Variants in POU2F1 observed in about 807,000 individuals in gnomAD.
POU2F1 encodes the protein POU class 2 homeobox 1.
Under a neutral mutation model 84.9 loss-of-function variants are expected in POU2F1, and 16 were observed. The ratio of observed to expected loss-of-function variants is 0.19; its 90% CI spans 0.13 to 0.29. The LOEUF (loss-of-function observed/expected upper bound fraction) is 0.29, where lower values mean the gene tolerates loss of function less well. POU2F1 is among the 10% of genes least tolerant of loss of function. The pLI, the probability that POU2F1 is intolerant of heterozygous loss-of-function variation, is 1.00. For missense variants in POU2F1, 738 were observed against 942.6 expected (o/e 0.78, Z 2.84); for synonymous variants, 368 against 368.3 (o/e 1.00, Z 0.01).
intron 1 of POU2F1, among the ~76,000 whole-genome samples, chr1:167,232,716 G>A (rs1476339366): frequency 2.6e-5 from 4 of 152,034 alleles, no homozygotes; most frequent in African/African-American, 9.6e-5. Flanking sequence ...GGTGGCACAC[G>A]CCCATAATCC....
intron 1 of POU2F1, among the ~76,000 whole-genome samples, chr1:167,282,448 A>C (rs266823): frequency 0.11 from 16,296 of 152,226 alleles, 2,168 homozygotes; most frequent in African/African-American, 0.32. Flanking sequence ...CTGGCCAAAA[A>C]TTTTTAAATT....
chr1:167,306,610 C>G (rs35617840), intron 1 of POU2F1, among the ~76,000 whole-genome samples: 13,347 of 152,070 alleles, frequency 0.088, 1,443 homozygotes, highest in African/African-American at 0.26. Context: ...TGCCGTAACA[C>G]GGTACTACAA....
At chr1:167,311,793 T>TTTATTTAC (rs1209455545) in intron 1 of POU2F1, among the ~76,000 whole-genome samples, 1 of 151,054 alleles carries the variant, frequency 6.6e-6, no homozygotes, top group East Asian at 1.9e-4. Flanking sequence ...TATTTATTTA[T>TTTATTTAC]TTATTTATTT....
intron 13 of POU2F1, among the ~76,000 whole-genome samples, chr1:167,403,500 A>G (rs1649348665): frequency 6.6e-6 from 1 of 152,180 alleles, no homozygotes; most frequent in Non-Finnish European, 1.5e-5. Flanking sequence ...GCTCAAAACC[A>G]TGCCCCTTTT....
At chr1:167,366,694 C>T (rs1659702665) in intron 3 of POU2F1, among the ~76,000 whole-genome samples, 1 of 151,746 alleles carries the variant, frequency 6.6e-6, no homozygotes, top group African/African-American at 2.4e-5. Context: ...CATTAACTTC[C>T]AGATAAAATA....
intron 1 of POU2F1, among the ~76,000 whole-genome samples, chr1:167,321,868 A>G (rs1180944494): frequency 6.6e-6 from 1 of 152,144 alleles, no homozygotes; most frequent in Non-Finnish European, 1.5e-5. Flanking sequence ...ATTGTTCTGG[A>G]ATTAGAACTT....
At chr1:167,350,692 A>C (rs1031302917) in intron 2 of POU2F1, among the ~76,000 whole-genome samples, 1 of 149,586 alleles carries the variant, frequency 6.7e-6, no homozygotes, top group Non-Finnish European at 1.5e-5. Context: ...AAAAAAAAAG[A>C]AAAGAAAATG....
At chr1:167,293,695 G>A (rs1019958251) in intron 1 of POU2F1, among the ~76,000 whole-genome samples, 1 of 152,054 alleles carries the variant, frequency 6.6e-6, no homozygotes, top group Non-Finnish European at 1.5e-5. Flanking sequence ...ACCCACTACG[G>A]GATTTCCAGT....
intron 2 of POU2F1, among the ~76,000 whole-genome samples, chr1:167,333,228 G>T (rs1274167636): frequency 6.6e-6 from 1 of 152,108 alleles, no homozygotes; most frequent in African/African-American, 2.4e-5. Flanking sequence ...GTAAAGGATG[G>T]TTTGTCTCCA....
At chr1:167,412,598 A>T (rs1393161143) in intron 14 of POU2F1, among the ~76,000 whole-genome samples, 1 of 151,926 alleles carries the variant, frequency 6.6e-6, no homozygotes, top group Non-Finnish European at 1.5e-5. Context: ...AGAATTCTTG[A>T]CTCTTATTTT....
At chr1:167,330,137 T>C (rs1289728731) in intron 1 of POU2F1, among the ~76,000 whole-genome samples, 1 of 152,176 alleles carries the variant, frequency 6.6e-6, no homozygotes, top group African/African-American at 2.4e-5. Context: ...ATTGAGACTT[T>C]TTTAGTTACT....
At position 167,229,824 on chromosome 1, in the gene POU2F1, C is replaced by A. The variant is rs78782205; in HGVS notation, c.61+8866C>A. ...GCCAGCATCTTAGGAGGAATGGACA[C>A]TCCTAATACTCTTCTGAAAACTTTA... is the stretch of plus-strand genomic sequence containing the variant. On this transcript the variant is annotated intron_variant, in intron 1 of 15. Coordinates refer to ENST00000367866, the MANE Select transcript of POU2F1 (RefSeq NM_002697.4). Among the ~76,000 whole-genome samples the A allele has an allele frequency of 1.2e-3, 181 of 152,262 alleles. No homozygotes were observed. The East Asian group carries it at 0.032, about 27-fold the overall frequency.
At chr1:167,364,981 C>T (rs972855118) in intron 2 of POU2F1, among the ~76,000 whole-genome samples, 4 of 152,198 alleles carry the variant, frequency 2.6e-5, no homozygotes, top group African/African-American at 9.7e-5. Context: ...TTTCTTTATG[C>T]TTATCATGGA....
intron 9 of POU2F1, among the ~76,000 whole-genome samples, chr1:167,395,496 A>G (rs1278490212): frequency 2.6e-5 from 4 of 152,184 alleles, no homozygotes; most frequent in Admixed American, 1.3e-4. Context: ...TAATTTTTAA[A>G]GTGATTTTTG....
At position 167,417,614 on chromosome 1, in the gene POU2F1, A is replaced by G. The variant is rs1300038877; in HGVS notation, c.*1804A>G. The G allele has an allele frequency of 2.0e-5, 3 of 152,172 alleles. No homozygotes were observed. The highest frequency in any genetic ancestry group is 4.4e-5 in the Non-Finnish European group (3 of 68,032). 9.4% of individuals were successfully genotyped at this position (152,172 alleles called of 1,614,324 possible). ...CTTCTTATTGGAGTTAAAGGTTCCC[A>G]TTTGGTGGCTGTGGGTGCTTGCTTA... On this transcript the variant is annotated 3_prime_UTR_variant, in exon 16 of 16. Coordinates refer to ENST00000367866, the MANE Select transcript of POU2F1 (RefSeq NM_002697.4).
At chr1:167,318,331 A>G (rs984876571) in intron 1 of POU2F1, among the ~76,000 whole-genome samples, 2 of 152,096 alleles carry the variant, frequency 1.3e-5, no homozygotes, top group Non-Finnish European at 2.9e-5. Context: ...TACCATTTCT[A>G]CCATTTGACC....
intron 9 of POU2F1, among the ~76,000 whole-genome samples, chr1:167,395,033 C>G (rs143183269): frequency 0.011 from 1,659 of 152,152 alleles, 17 homozygotes; most frequent in South Asian, 0.024. Flanking sequence ...TACTTTGGAC[C>G]AGAAATGATG....
At chr1:167,259,397 C>G (rs547334540) in intron 1 of POU2F1, among the ~76,000 whole-genome samples, 3 of 152,102 alleles carry the variant, frequency 2.0e-5, no homozygotes, top group African/African-American at 7.2e-5. Flanking sequence ...AACCATCTAC[C>G]GCAATTCAGT....
intron 1 of POU2F1, among the ~76,000 whole-genome samples, chr1:167,286,089 T>C (rs1028938367): frequency 1.3e-5 from 2 of 152,240 alleles, no homozygotes; most frequent in South Asian, 2.1e-4. Context: ...TTGCAACAAT[T>C]GGATTTCCTG....
Sources: allele counts gnomAD v4.1 joint callset (sites outside exome capture counted in the v4.1 genomes callset), GRCh38; gene constraint gnomAD v4.1.1; transcripts MANE v1.5; gene names NCBI Gene and HGNC (gene_info 2026-07-23, HGNC 2026-07-21).